The following CSMD1 variants were observed in gnomAD, a reference collection of about 807,000 sequenced individuals.
CSMD1 encodes the protein CUB and Sushi multiple domains 1, also known as CUB and sushi domain-containing protein 1.
CSMD1 carries 213 observed loss-of-function variants against 417.5 expected under a neutral mutation model. The observed-to-expected ratio is 0.51, with a 90% CI of 0.46 to 0.57. The LOEUF is 0.57. Among genes scored for constraint, CSMD1 ranks in the 20% least tolerant of loss-of-function variants. CSMD1 has a pLI of 0.00. For missense variants in CSMD1, 6,923 were observed against 4,529.7 expected, an observed-to-expected ratio of 1.53 and a Z score of -15.17; for synonymous variants, 2,862 against 1,736.8, an observed-to-expected ratio of 1.65 and a Z score of -16.11.
chr8:4,264,182 T>C (rs977699769), intron 3 of CSMD1, among the ~76,000 whole-genome samples: 1 of 152,172 alleles, frequency 6.6e-6, no homozygotes, highest in Non-Finnish European at 1.5e-5. Context: ...AGCTGTTATG[T>C]GGTGATGATG....
intron 3 of CSMD1, among the ~76,000 whole-genome samples, chr8:4,253,133 G>A (rs1009426368): frequency 6.6e-6 from 1 of 152,202 alleles, no homozygotes; most frequent in African/African-American, 2.4e-5. Flanking sequence ...GATATTGAAT[G>A]AGTATTTTCT....
At chr8:3,842,725 C>G (rs1803215279) in intron 5 of CSMD1, among the ~76,000 whole-genome samples, 1 of 151,624 alleles carries the variant, frequency 6.6e-6, no homozygotes, top group Non-Finnish European at 1.5e-5. Context: ...AAAAATGTGT[C>G]AAGATTAAAA....
intron 5 of CSMD1, among the ~76,000 whole-genome samples, chr8:3,974,985 G>C (rs1157257991): frequency 6.6e-6 from 1 of 152,042 alleles, no homozygotes; most frequent in Non-Finnish European, 1.5e-5. Context: ...TCCCTATGTG[G>C]AATGCTTGAG....
At chr8:4,110,889 A>C (rs997762456) in intron 3 of CSMD1, among the ~76,000 whole-genome samples, 8 of 152,094 alleles carry the variant, frequency 5.3e-5, no homozygotes, top group Admixed American at 1.3e-4. Context: ...TTATTTTCTT[A>C]TGTCAAAAGA....
chr8:3,038,393 T>A (rs1012504799), intron 50 of CSMD1, among the ~76,000 whole-genome samples: 12 of 152,214 alleles, frequency 7.9e-5, no homozygotes, highest in Admixed American at 7.9e-4. Flanking sequence ...GATCCAAGCA[T>A]AGATTTAAAG....
At chr8:3,728,936 A>C (rs1489176948) in intron 6 of CSMD1, among the ~76,000 whole-genome samples, 1 of 152,158 alleles carries the variant, frequency 6.6e-6, no homozygotes, top group Non-Finnish European at 1.5e-5. Flanking sequence ...AATAATCCCA[A>C]AATAATGCAA....
At chr8:4,940,933 T>A (rs979923041) in intron 1 of CSMD1, among the ~76,000 whole-genome samples, 1 of 152,226 alleles carries the variant, frequency 6.6e-6, no homozygotes, top group African/African-American at 2.4e-5. Flanking sequence ...TTGGGCAATA[T>A]TTCTTTAACA....
chr8:3,398,904 G>A (rs1811864039), intron 16 of CSMD1, among the ~76,000 whole-genome samples: 3 of 152,124 alleles, frequency 2.0e-5, no homozygotes, highest in Admixed American at 6.6e-5. Context: ...TAGTGATAAT[G>A]TCACTCATAG....
At chr8:2,940,158 G>A (rs904996330) in intron 69 of CSMD1, among the ~76,000 whole-genome samples, 4 of 152,218 alleles carry the variant, frequency 2.6e-5, no homozygotes, top group African/African-American at 9.6e-5. Flanking sequence ...TGTAGAGAGT[G>A]CTACAGGCTT....
intron 6 of CSMD1, among the ~76,000 whole-genome samples, chr8:3,731,132 A>T (rs1324571218): frequency 6.6e-6 from 1 of 152,166 alleles, no homozygotes; most frequent in Non-Finnish European, 1.5e-5. Context: ...AAATCTATAT[A>T]TCCATAAATA....
At chr8:4,113,070 C>G (rs1801941732) in intron 3 of CSMD1, among the ~76,000 whole-genome samples, 1 of 152,124 alleles carries the variant, frequency 6.6e-6, no homozygotes, top group Admixed American at 6.6e-5. Flanking sequence ...ACAAACACCC[C>G]CATGTAAGAC....
intron 15 of CSMD1, among the ~76,000 whole-genome samples, chr8:3,400,626 T>G (rs568315564): frequency 1.3e-5 from 2 of 152,142 alleles, no homozygotes; most frequent in South Asian, 4.1e-4. Context: ...TTGGAAATTT[T>G]GTTGATATGG....
At chr8:4,742,076 G>C (rs574300168) in intron 1 of CSMD1, among the ~76,000 whole-genome samples, 1 of 127,138 alleles carries the variant, frequency 7.9e-6, no homozygotes, top group South Asian at 2.6e-4. Flanking sequence ...TGTCGCCCAG[G>C]CTGGAGTGCA....
chr8:3,367,766 A>T (rs1809692741), intron 19 of CSMD1, among the ~76,000 whole-genome samples: 1 of 152,220 alleles, frequency 6.6e-6, no homozygotes, highest in African/African-American at 2.4e-5. Flanking sequence ...AGTTATATAT[A>T]GATACAGATA....
At chr8:3,871,133 A>G (rs1585119149) in intron 5 of CSMD1, among the ~76,000 whole-genome samples, 2 of 152,108 alleles carry the variant, frequency 1.3e-5, no homozygotes, top group South Asian at 4.1e-4. Flanking sequence ...AATTTTTTAA[A>G]ACAAGTAATA....
chr8:3,677,312 T>A (rs1054495914), intron 7 of CSMD1, among the ~76,000 whole-genome samples: 1 of 152,174 alleles, frequency 6.6e-6, no homozygotes, highest in African/African-American at 2.4e-5. Flanking sequence ...TGTAACAAAA[T>A]GACTTAATAA....
At chr8:3,693,070 A>T (rs191250842) in intron 7 of CSMD1, among the ~76,000 whole-genome samples, 2 of 152,178 alleles carry the variant, frequency 1.3e-5, no homozygotes, top group Non-Finnish European at 2.9e-5. Context: ...ATAATCAGGA[A>T]TACATTTATT....
chr8:4,179,225 C>G (rs1034835716), intron 3 of CSMD1, among the ~76,000 whole-genome samples: 2 of 152,108 alleles, frequency 1.3e-5, no homozygotes, highest in African/African-American at 4.8e-5. Context: ...GGTACCAAAA[C>G]AGAGATATAA....
chr8:3,509,370 A>G (rs1239912613), intron 10 of CSMD1, among the ~76,000 whole-genome samples: 1 of 152,214 alleles, frequency 6.6e-6, no homozygotes, highest in Non-Finnish European at 1.5e-5. Flanking sequence ...CTTTGTCATA[A>G]GAAAAAATAA....
Sources: allele counts gnomAD v4.1 joint callset (sites outside exome capture counted in the v4.1 genomes callset), GRCh38; gene constraint gnomAD v4.1.1; transcripts MANE v1.5; gene names NCBI Gene and HGNC (gene_info 2026-07-23, HGNC 2026-07-21).